WDR70: variants seen among roughly 807,000 people sequenced by gnomAD.
WDR70 encodes the protein WD repeat domain 70.
In WDR70, 53 loss-of-function variants were observed where a neutral mutation model predicts 88.6. That is an observed-to-expected ratio of 0.60 (90% CI 0.48 to 0.75). The LOEUF is 0.75. Ranked by LOEUF, WDR70 falls within the 30% of genes least tolerant of loss-of-function variation. WDR70 has a pLI of 0.00. For missense variants in WDR70, 610 were observed against 823.2 expected (o/e 0.74, Z 3.17); for synonymous variants, 280 against 270.0 (o/e 1.04, Z -0.36).
intron 9 of WDR70, among the ~76,000 whole-genome samples, chr5:37,542,329 G>A (rs1446069819): frequency 6.6e-6 from 1 of 150,862 alleles, no homozygotes; most frequent in African/African-American, 2.4e-5. Flanking sequence ...ACCCAGGCTG[G>A]AGTGCAGTGG....
intron 6 of WDR70, among the ~76,000 whole-genome samples, chr5:37,439,927 G>A (rs9764056): frequency 7.9e-5 from 12 of 151,304 alleles, no homozygotes; most frequent in South Asian, 2.1e-4. Flanking sequence ...ATGTGCACAC[G>A]TACACTCTTT....
At chr5:37,468,506 A>G (rs56397932) in intron 7 of WDR70, among the ~76,000 whole-genome samples, 5 of 152,296 alleles carry the variant, frequency 3.3e-5, no homozygotes, top group African/African-American at 1.2e-4. Context: ...ATAATTGTAC[A>G]TATATATGGG....
At chr5:37,666,988 T>C (rs1457531341) in intron 10 of WDR70, among the ~76,000 whole-genome samples, 4 of 152,168 alleles carry the variant, frequency 2.6e-5, no homozygotes, top group Admixed American at 2.6e-4. Flanking sequence ...GAGTGTCCAA[T>C]ACATGTTTTT....
intron 8 of WDR70, chr5:37,505,770 G>A: frequency 3.6e-6 from 5 of 1,397,550 alleles, no homozygotes; most frequent in South Asian, 1.2e-5. Context: ...TCTCAAGTTG[G>A]CTTCTTGAAG....
intron 9 of WDR70, among the ~76,000 whole-genome samples, chr5:37,543,265 A>T (rs942314996): frequency 3.3e-5 from 5 of 152,116 alleles, no homozygotes; most frequent in African/African-American, 1.2e-4. Flanking sequence ...ATGATATATG[A>T]TGGTTATGTT....
chr5:37,551,768 G>GTTTTTTTTTTT (rs1176757597), intron 9 of WDR70, among the ~76,000 whole-genome samples: 2 of 92,730 alleles, frequency 2.2e-5, no homozygotes, highest in African/African-American at 8.3e-5. Context: ...TCATTGTTTA[G>GTTTTTTTTTTT]TTTTTTTTTT....
At chr5:37,631,028 T>C (rs1379650307) in intron 10 of WDR70, among the ~76,000 whole-genome samples, 7 of 152,142 alleles carry the variant, frequency 4.6e-5, no homozygotes, top group African/African-American at 1.7e-4. Flanking sequence ...CTTACCTTTT[T>C]CCCATGATGG....
chr5:37,566,455 A>G (rs1432784497), intron 9 of WDR70, among the ~76,000 whole-genome samples: 2 of 152,104 alleles, frequency 1.3e-5, no homozygotes, highest in Non-Finnish European at 2.9e-5. Flanking sequence ...CCAAATCAGG[A>G]CAAATACAAT....
chr5:37,578,641 A>G (rs1051968279), intron 9 of WDR70, among the ~76,000 whole-genome samples: 5 of 152,202 alleles, frequency 3.3e-5, no homozygotes, highest in Admixed American at 2.0e-4. Context: ...TTTTCTTCCT[A>G]TAATTAAATG....
chr5:37,520,864 A>T (rs1469141380), intron 9 of WDR70, among the ~76,000 whole-genome samples: 1 of 152,242 alleles, frequency 6.6e-6, no homozygotes, highest in Non-Finnish European at 1.5e-5. Flanking sequence ...TAAATAGGAA[A>T]CAAGACAGTC....
chr5:37,575,165 ACTT>A (rs1743016336), intron 9 of WDR70, among the ~76,000 whole-genome samples: 2 of 152,150 alleles, frequency 1.3e-5, no homozygotes, highest in Non-Finnish European at 2.9e-5. Context: ...TGAATGAATC[ACTT>A]CTTTAGTTGG....
intron 5 of WDR70, among the ~76,000 whole-genome samples, chr5:37,432,050 A>G (rs934238802): frequency 2.0e-5 from 3 of 152,194 alleles, no homozygotes; most frequent in Non-Finnish European, 2.9e-5. Context: ...TCTGCTTTCA[A>G]TTCTTTTGGG....
chr5:37,725,448 A>T (rs1159733754), intron 16 of WDR70, among the ~76,000 whole-genome samples: 1 of 152,076 alleles, frequency 6.6e-6, no homozygotes, highest in Non-Finnish European at 1.5e-5. Flanking sequence ...GTTTCACACA[A>T]GGCAGAATGT....
At chr5:37,500,560 G>A (rs1740375674) in intron 8 of WDR70, among the ~76,000 whole-genome samples, 1 of 152,070 alleles carries the variant, frequency 6.6e-6, no homozygotes, top group African/African-American at 2.4e-5. Flanking sequence ...CAGTGTATAA[G>A]TGTTCCCTTT....
chr5:37,500,920 G>A (rs1288033051), intron 8 of WDR70, among the ~76,000 whole-genome samples: 1 of 151,806 alleles, frequency 6.6e-6, no homozygotes, highest in Non-Finnish European at 1.5e-5. Context: ...TGTACTTTTA[G>A]TAGAGACAAG....
At chr5:37,389,933 G>A (rs1420546746) in intron 3 of WDR70, among the ~76,000 whole-genome samples, 2 of 152,138 alleles carry the variant, frequency 1.3e-5, no homozygotes, top group Admixed American at 6.6e-5. Context: ...TGCTGGGTAA[G>A]CTTATTCCTC....
intron 9 of WDR70, among the ~76,000 whole-genome samples, chr5:37,576,876 G>T (rs1743077007): frequency 6.6e-6 from 1 of 151,812 alleles, no homozygotes; most frequent in Non-Finnish European, 1.5e-5. Flanking sequence ...TTATGACAGG[G>T]TAAAGAAGAG....
chr5:37,614,275 G>A (rs1744270790), intron 10 of WDR70, among the ~76,000 whole-genome samples: 1 of 152,124 alleles, frequency 6.6e-6, no homozygotes, highest in Non-Finnish European at 1.5e-5. Context: ...TCCTTCTTAT[G>A]TCATAACACT....
intron 10 of WDR70, among the ~76,000 whole-genome samples, chr5:37,647,815 A>G (rs114894782): frequency 0.028 from 4,291 of 152,316 alleles, 219 homozygotes; most frequent in African/African-American, 0.099. Flanking sequence ...GCTTGTGGCC[A>G]CCACCACTGG....
Sources: gnomAD v4.1 joint callset for allele counts (sites outside exome capture counted in the v4.1 genomes callset) on GRCh38, gnomAD v4.1.1 for gene constraint, MANE v1.5 for transcripts, NCBI Gene and HGNC (gene_info 2026-07-23, HGNC 2026-07-21) for gene names.